AMOTL2: variants seen among roughly 807,000 people sequenced by gnomAD.
AMOTL2 encodes the protein angiomotin like 2, also known as angiomotin-like protein 2.
Under a neutral mutation model 78.4 loss-of-function variants are expected in AMOTL2, and 33 were observed. The observed-to-expected ratio is 0.42, with a 90% CI of 0.32 to 0.56. The LOEUF (loss-of-function observed/expected upper bound fraction) is 0.56. AMOTL2 is among the 20% of genes least tolerant of loss of function. The pLI is 0.12. For missense variants in AMOTL2, 983 were observed against 1,030.1 expected, an observed-to-expected ratio of 0.95 and a Z score of 0.63; for synonymous variants, 422 against 428.8, an observed-to-expected ratio of 0.98 and a Z score of 0.20.
Position 134,371,338 on chromosome 3 carries a change from T to G in AMOTL2, c.96A>C (p.Leu32=). 6.2e-7 allele frequency: 1 copy of G among 1,611,698 alleles called. No homozygotes were observed. Among genetic ancestry groups the G allele is most frequent in the Non-Finnish European group, 8.5e-7 (1 of 1,180,018 alleles). Residue 32 remains leucine, a synonymous_variant, in exon 2 of 10, where the codon CTA becomes CTC. Coordinates refer to ENST00000249883, the MANE Select transcript of AMOTL2 (RefSeq NM_016201.4). Reference sequence around the variant, plus strand: ...CCCTCAGGGCCTGCTGCTGGATGGCTAGCAGCGTGCGCGTCTCAGTCAGGT... The same window carrying G: ...CCCTCAGGGCCTGCTGCTGGATGGCGAGCAGCGTGCGCGTCTCAGTCAGGT... ...YGNLTETRTL[L]AIQQQALRGG...
rs779412040 is a variant in AMOTL2 at position 134,367,487 on chromosome 3, C to G, written c.1041+10G>C. 3.2e-5 allele frequency: 52 copies of G among 1,610,100 alleles called. No individual in the cohort carries two copies. The East Asian group carries it at 1.1e-3, about 35-fold the overall frequency. On this transcript the variant is annotated intron_variant, in intron 3 of 9. Coordinates refer to ENST00000249883, the MANE Select transcript of AMOTL2 (RefSeq NM_016201.4). ...CTGGTCTGCCCTTCTGAAGCCCCAG[C>G]AGGGCCTACCTTCTCAATGCGGCCA...
At chr3:134,358,481 T>TCACA in intron 9 of AMOTL2, 59 bp downstream of exon 9, 1 of 1,554,136 alleles carries the variant, frequency 6.4e-7, no homozygotes, top group Non-Finnish European at 8.7e-7. Flanking sequence ...GTGTTCCAGT[T>TCACA]CACACCCCAG....
chr3:134,367,759 T>C lies in AMOTL2; in HGVS notation c.779A>G (p.Gln260Arg). ...QVPPVFLQQQQQYQYLQQSQE... is the reference protein window; with the variant it reads ...QVPPVFLQQQRQYQYLQQSQE... ...AGATTGCTGCAGGTACTGGTACTGC[T>C]GCTGCTGTTGGAGGAACACAGGAGG... The change falls in exon 3 of 10, where the codon CAG (glutamine) becomes CGG (arginine). Residue 260 changes from glutamine (Q) to arginine (R), a missense_variant. Gln to Arg is a conservative substitution (Grantham distance 43). Transcript: ENST00000249883. The C allele has an allele frequency of 6.2e-7, 1 of 1,613,712 alleles. No individual in the cohort carries two copies. Among genetic ancestry groups the C allele is most frequent in the African/African-American group, 1.3e-5 (1 of 75,018 alleles).
intron 7 of AMOTL2, 34 bp downstream of exon 7, chr3:134,360,072 C>G (rs367916829): frequency 3.1e-5 from 49 of 1,582,866 alleles, no homozygotes; most frequent in Non-Finnish European, 4.0e-5. Flanking sequence ...CACCCACCCC[C>G]CCAACCTCAG....
Position 134,363,465 on chromosome 3 carries a change from G to A in AMOTL2, c.1280-1658C>T, listed in dbSNP as rs984658871. On this transcript the variant is annotated intron_variant, in intron 5 of 9. Transcript: ENST00000249883. ...CACCTGTGCGTTCAGTTTGCCCAGG[G>A]CCTGCATCTCATTTCAGCCTTAGCA... Among the ~76,000 whole-genome samples, 4 of 152,204 alleles carry A rather than the reference G, an allele frequency of 2.6e-5. No individual in the cohort carries two copies. In the South Asian group the frequency reaches 6.2e-4, roughly 24 times the overall value.
At chr3:134,375,361 T>C, upstream of AMOTL2, 2 of 950,386 alleles carry the variant, frequency 2.1e-6, no homozygotes, top group Admixed American at 4.0e-5. Context: ...GTGTTGTAAA[T>C]GAGGACACCA....
chr3:134,359,575 A>C (rs2017251284), intron 7 of AMOTL2, 72 bp from the exon 8 acceptor site: 6 of 1,298,038 alleles, frequency 4.6e-6, no homozygotes, highest in Non-Finnish European at 6.5e-6. Context: ...CCTGCCTCAT[A>C]GGAGTTAGAG....
chr3:134,357,892 G>A (rs2017143485), intron 9 of AMOTL2, 129 bp from the exon 10 acceptor site: 1 of 945,748 alleles, frequency 1.1e-6, no homozygotes, highest in Non-Finnish European at 1.7e-6. Context: ...CAGGTTCCCA[G>A]AACTCGGCCA....
rs373007598 is a variant in AMOTL2, at chr3:134,369,697, C to T, written c.734+1003G>A. Among the ~76,000 whole-genome samples, 22 of 152,324 alleles carry T rather than the reference C, an allele frequency of 1.4e-4. 1 individual carries two copies. Among genetic ancestry groups the T allele is most frequent in the African/African-American group, 5.1e-4 (21 of 41,570 alleles). On this transcript the variant is annotated intron_variant, in intron 2 of 9. Transcript: ENST00000249883. The stretch of plus-strand genomic sequence containing the variant: ...AAAGTGGGTGTTTACTAAAGGAACA[C>T]AGCAGGCATGAAGAGAACCAGACTT...
Position 134,365,816 on chromosome 3 carries a change from C to T in AMOTL2, c.1279+1G>A, listed in dbSNP as rs1281192749. 21 of 1,613,784 alleles carry T rather than the reference C, an allele frequency of 1.3e-5. No homozygotes were observed. Among genetic ancestry groups the T allele is most frequent in the Non-Finnish European group, 1.8e-5 (21 of 1,179,964 alleles). On this transcript the variant is annotated splice_donor_variant, in intron 5 of 9. Transcript: ENST00000249883. LOFTEE classifies it high-confidence loss of function. ...GGCTTCTTAGTGGGGCCCCTACTCA[C>T]TCTGAGCAAGCAGCTTGGCCACCAT...
intron 5 of AMOTL2, among the ~76,000 whole-genome samples, chr3:134,364,234 A>G (rs1350983308): frequency 1.3e-5 from 2 of 151,972 alleles, no homozygotes; most frequent in Non-Finnish European, 2.9e-5. Flanking sequence ...GGAGCGGAAC[A>G]GCTCGCGGCT....
chr3:134,368,641 C>T (rs1022858830), intron 2 of AMOTL2, among the ~76,000 whole-genome samples: 9 of 152,136 alleles, frequency 5.9e-5, no homozygotes, highest in Non-Finnish European at 1.0e-4. Context: ...CAGTGCTGGG[C>T]GGGTGGCAGG....
chr3:134,375,291 G>T (rs761924004), upstream of AMOTL2: 6 of 1,509,888 alleles, frequency 4.0e-6, no homozygotes, highest in East Asian at 4.9e-5. Context: ...CTGGCTTTTC[G>T]CCCAGTCATC....
intron 3 of AMOTL2, 160 bp from the exon 4 acceptor site, chr3:134,366,587 G>C: frequency 1.5e-6 from 1 of 687,498 alleles, no homozygotes; most frequent in Non-Finnish European, 2.4e-6. Context: ...GAAGCTTGTA[G>C]CCTCCGGAAG....
intron 3 of AMOTL2, 79 bp from the exon 4 acceptor site, chr3:134,366,506 T>C: frequency 6.8e-7 from 1 of 1,466,168 alleles, no homozygotes; most frequent in Admixed American, 2.3e-5. Context: ...CTACTCTCCA[T>C]CAGAAAAGGT....
At position 134,366,299 on chromosome 3, in the gene AMOTL2, G is replaced by A. The variant is rs780424230; in HGVS notation, c.1170C>T (p.Phe390=). 1.2e-6 allele frequency: 2 copies of A among 1,614,160 alleles called. No homozygotes were observed. Among genetic ancestry groups the A allele is most frequent in the Admixed American group, 3.3e-5 (2 of 60,020 alleles). The change falls in exon 4 of 10, where the codon TTC becomes TTT. Residue 390 remains phenylalanine (F), a synonymous_variant. Transcript: ENST00000249883. Reference sequence around the variant, plus strand: ...GGCTCTCACCTCTAAGATCCCGGTTGAAGTCTTGCAGCCTCCTCATTTCAC... The same window carrying A: ...GGCTCTCACCTCTAAGATCCCGGTTAAAGTCTTGCAGCCTCCTCATTTCAC... ...MDSEMRRLQD[F]NRDLRERLES...
At chr3:134,374,616 C>T, upstream of AMOTL2, 2 of 985,342 alleles carry the variant, frequency 2.0e-6, no homozygotes, top group Middle Eastern at 5.2e-4. Context: ...TCCCTCCTCC[C>T]GGCCCCCGCC....
At chr3:134,363,361 T>A (rs575547388) in intron 5 of AMOTL2, among the ~76,000 whole-genome samples, 1 of 152,146 alleles carries the variant, frequency 6.6e-6, no homozygotes, top group African/African-American at 2.4e-5. Context: ...TGGCTTAACA[T>A]CCATTGAGTG....
chr3:134,361,909 C>T, intron 5 of AMOTL2, 102 bp from the exon 6 acceptor site: 1 of 1,028,116 alleles, frequency 9.7e-7, no homozygotes, highest in Non-Finnish European at 1.4e-6. Flanking sequence ...AGTTGCTTCT[C>T]ATTCTCTCAA....
Sources: allele counts gnomAD v4.1 joint callset (sites outside exome capture counted in the v4.1 genomes callset), GRCh38; gene constraint gnomAD v4.1.1; transcripts MANE v1.5; gene names NCBI Gene and HGNC (gene_info 2026-07-23, HGNC 2026-07-21).